PAFAH1B1: variants seen among roughly 807,000 people sequenced by gnomAD.
The protein encoded by PAFAH1B1 is platelet-activating factor acetylhydrolase IB subunit beta.
PAFAH1B1 carries 2 observed loss-of-function variants against 57.5 expected under a neutral mutation model. The ratio of observed to expected loss-of-function variants is 0.03; its 90% confidence interval spans 0.01 to 0.11. PAFAH1B1 has a LOEUF of 0.11. Ranked by LOEUF, PAFAH1B1 falls within the 10% of genes least tolerant of loss-of-function variation. The pLI is 1.00. For synonymous variants in PAFAH1B1, 152 were observed against 169.6 expected (o/e 0.90, Z 0.81); for missense variants, 257 against 512.0 (o/e 0.50, Z 4.81).
At chr17:2,650,541 C>T (rs931145356) in intron 2 of PAFAH1B1, among the ~76,000 whole-genome samples, 4 of 142,670 alleles carry the variant, frequency 2.8e-5, no homozygotes, top group African/African-American at 7.9e-5. Context: ...GGGATGTCGG[C>T]GCAGTCTTGG....
At chr17:2,639,100 G>A (rs772703417) in intron 2 of PAFAH1B1, among the ~76,000 whole-genome samples, 3 of 150,936 alleles carry the variant, frequency 2.0e-5, no homozygotes, top group Non-Finnish European at 4.4e-5. Flanking sequence ...GGGTTTCACC[G>A]TGTTAGCCAG....
At chr17:2,658,026 A>G (rs928831954) in intron 2 of PAFAH1B1, among the ~76,000 whole-genome samples, 5 of 152,232 alleles carry the variant, frequency 3.3e-5, no homozygotes, top group African/African-American at 1.2e-4. Flanking sequence ...AAATAATGCA[A>G]AATATTTTTA....
chr17:2,660,806 A>G (rs1318890660), intron 2 of PAFAH1B1, among the ~76,000 whole-genome samples: 1 of 152,202 alleles, frequency 6.6e-6, no homozygotes, highest in Admixed American at 6.5e-5. Context: ...TTCTGCTTCT[A>G]GATTCTTGAG....
chr17:2,667,402 G>A (rs1181666320), intron 5 of PAFAH1B1: 2 of 523,374 alleles, frequency 3.8e-6, no homozygotes, highest in Non-Finnish European at 6.9e-6. Context: ...CCTATGAAGA[G>A]GGACAGGAGG....
Position 2,680,319 on chromosome 17 carries a change from G to A in PAFAH1B1, c.1158G>A (p.Leu386=), listed in dbSNP as rs2069361734. 6.2e-7 allele frequency: 1 copy of A among 1,613,668 alleles called. No homozygotes were observed. The highest frequency in any genetic ancestry group is 1.3e-5 in the African/African-American group (1 of 74,900). Residue 386 remains leucine, a splice_region_variant and synonymous_variant, in exon 10 of 11, where the codon TTG becomes TTA. Transcript: ENST00000397195. The stretch of plus-strand genomic sequence containing the variant: ...CGCATGAACACTTTGTTACCTCCTT[G>A]GGTATGTACGCCTCGCGAGGTCTCT... ...LNAHEHFVTS[L]DFHKTAPYVV... is the part of the protein sequence containing the mutation.
intron 1 of PAFAH1B1, among the ~76,000 whole-genome samples, chr17:2,609,067 GTCT>G (rs2068236993): frequency 6.6e-6 from 1 of 152,158 alleles, no homozygotes; most frequent in Admixed American, 6.5e-5. Flanking sequence ...TTTACATAAA[GTCT>G]CTATTTTCTG....
chr17:2,678,309 G>T (rs1028407649), intron 9 of PAFAH1B1, among the ~76,000 whole-genome samples: 2 of 151,514 alleles, frequency 1.3e-5, no homozygotes, highest in Non-Finnish European at 2.9e-5. Flanking sequence ...GGCTGAGGCA[G>T]GCAAATCACT....
chr17:2,604,580 G>T (rs954363965), intron 1 of PAFAH1B1, among the ~76,000 whole-genome samples: 3 of 152,170 alleles, frequency 2.0e-5, no homozygotes, highest in Admixed American at 6.6e-5. Flanking sequence ...AGAGGCTGAG[G>T]TGGGTGGATC....
intron 1 of PAFAH1B1, among the ~76,000 whole-genome samples, chr17:2,599,671 C>T (rs1402806677): frequency 2.0e-5 from 3 of 151,838 alleles, no homozygotes; most frequent in Admixed American, 2.0e-4. Flanking sequence ...GGCTGCATTT[C>T]GTATACAGAG....
chr17:2,646,313 G>T (rs544580163), intron 2 of PAFAH1B1, among the ~76,000 whole-genome samples: 1 of 152,156 alleles, frequency 6.6e-6, no homozygotes, highest in South Asian at 2.1e-4. Context: ...AAAGAGAAAA[G>T]ACATAAATGA....
chr17:2,612,370 A>C (rs1462180169), intron 1 of PAFAH1B1, among the ~76,000 whole-genome samples: 1 of 150,618 alleles, frequency 6.6e-6, no homozygotes, highest in Non-Finnish European at 1.5e-5. Flanking sequence ...CGCCTGGCTA[A>C]TTTTTTGTAT....
intron 1 of PAFAH1B1, among the ~76,000 whole-genome samples, chr17:2,605,408 C>T (rs1055776989): frequency 6.6e-6 from 1 of 152,168 alleles, no homozygotes; most frequent in African/African-American, 2.4e-5. Flanking sequence ...AACCCATCAT[C>T]AGCTTTTTAC....
At chr17:2,634,836 G>A (rs984213034) in intron 1 of PAFAH1B1, among the ~76,000 whole-genome samples, 1 of 152,062 alleles carries the variant, frequency 6.6e-6, no homozygotes, top group South Asian at 2.1e-4. Context: ...CTTCTTGGCC[G>A]ATGCTTCCAG....
At chr17:2,601,678 G>A (rs2068145882) in intron 1 of PAFAH1B1, among the ~76,000 whole-genome samples, 2 of 152,314 alleles carry the variant, frequency 1.3e-5, no homozygotes, top group South Asian at 4.1e-4. Flanking sequence ...CTGACCTCAG[G>A]TGATCCTCCT....
intron 2 of PAFAH1B1, chr17:2,641,754 A>G (rs896130201): frequency 6.6e-6 from 1 of 152,214 alleles, no homozygotes; most frequent in Non-Finnish European, 1.5e-5. Context: ...AGACCAAGAT[A>G]CGGGCACTAG....
chr17:2,596,354 A>AAAC (rs2068084132), intron 1 of PAFAH1B1, among the ~76,000 whole-genome samples: 1 of 152,250 alleles, frequency 6.6e-6, no homozygotes, highest in Admixed American at 6.5e-5. Context: ...GTTTTACTTA[A>AAAC]AACAGTAAAT....
chr17:2,671,744 A>T (rs1249930719), intron 6 of PAFAH1B1, among the ~76,000 whole-genome samples: 1 of 151,788 alleles, frequency 6.6e-6, no homozygotes, highest in Non-Finnish European at 1.5e-5. Flanking sequence ...CTGGCAATAC[A>T]GGCAAGCACC....
intron 1 of PAFAH1B1, among the ~76,000 whole-genome samples, chr17:2,594,269 C>T (rs1307660768): frequency 6.6e-6 from 1 of 152,202 alleles, no homozygotes; most frequent in Non-Finnish European, 1.5e-5. Flanking sequence ...CTCCCGGGCC[C>T]GGCTTTGGGG....
rs141528563 is a variant in PAFAH1B1 at position 2,670,330 on chromosome 17, C to T, written c.567C>T (p.His189=). The change falls in exon 6 of 11, where the codon CAC becomes CAT. Residue 189 remains histidine (H), a splice_region_variant and synonymous_variant. Coordinates refer to ENST00000397195, the MANE Select transcript of PAFAH1B1 (RefSeq NM_000430.4). ...GCTTTGAATGCATCAGAACCATGCACGGTAAGGGGTAGAGGATAGTGCTTT... is the reference window on the plus strand; with the variant it reads ...GCTTTGAATGCATCAGAACCATGCATGGTAAGGGGTAGAGGATAGTGCTTT... ...FQGFECIRTM[H]GHDHNVSSVA... is the part of the protein sequence containing the mutation. 1.4e-5 allele frequency: 22 copies of T among 1,612,110 alleles called. No individual in the cohort carries two copies. The highest frequency in any genetic ancestry group is 1.6e-4 in the Middle Eastern group (1 of 6,080).
Sources: gnomAD v4.1 joint callset for allele counts (sites outside exome capture counted in the v4.1 genomes callset) on GRCh38, gnomAD v4.1.1 for gene constraint, MANE v1.5 for transcripts, NCBI Gene and HGNC (gene_info 2026-07-23, HGNC 2026-07-21) for gene names.